KCND2: variants seen among roughly 807,000 people sequenced by gnomAD.
KCND2 encodes A-type voltage-gated potassium channel KCND2.
A neutral mutation model predicts 54.4 loss-of-function variants in KCND2; 16 were observed. The observed-to-expected ratio is 0.29, with a 90% CI of 0.20 to 0.45. The LOEUF (loss-of-function observed/expected upper bound fraction) is 0.45, where lower values mean the gene tolerates loss of function less well. Among genes scored for constraint, KCND2 ranks in the 20% least tolerant of loss-of-function variants. The pLI, the probability that KCND2 is intolerant of heterozygous loss-of-function variation, is 1.00. For missense variants in KCND2, 486 were observed against 824.2 expected, an observed-to-expected ratio of 0.59 and a Z score of 5.02; for synonymous variants, 317 against 310.7, an observed-to-expected ratio of 1.02 and a Z score of -0.21.
At chr7:120,681,769 T>C (rs1209033209) in intron 1 of KCND2, among the ~76,000 whole-genome samples, 1 of 152,056 alleles carries the variant, frequency 6.6e-6, no homozygotes, top group Non-Finnish European at 1.5e-5. Context: ...AGTTGAAATA[T>C]GTGAATGCTG....
intron 1 of KCND2, among the ~76,000 whole-genome samples, chr7:120,626,055 T>A (rs192833336): frequency 0.028 from 4,265 of 152,194 alleles, 165 homozygotes; most frequent in African/African-American, 0.089. Flanking sequence ...ACATTTATAC[T>A]TATTACAGTT....
At chr7:120,560,102 GT>G (rs1425587104) in intron 1 of KCND2, among the ~76,000 whole-genome samples, 1 of 152,146 alleles carries the variant, frequency 6.6e-6, no homozygotes, top group East Asian at 1.9e-4. Flanking sequence ...CAAACAGCAT[GT>G]TGGCCAAAAT....
intron 1 of KCND2, among the ~76,000 whole-genome samples, chr7:120,387,417 A>T (rs982314679): frequency 5.3e-5 from 8 of 152,042 alleles, no homozygotes; most frequent in Non-Finnish European, 1.0e-4. Flanking sequence ...TAAATAAGTT[A>T]AAGAGTATTT....
intron 1 of KCND2, among the ~76,000 whole-genome samples, chr7:120,311,293 C>T (rs922265490): frequency 2.6e-5 from 4 of 151,866 alleles, no homozygotes; most frequent in Non-Finnish European, 5.9e-5. Context: ...GTATTTTGCA[C>T]AGTTTTGTAA....
rs1227651785 is a variant in KCND2, at chr7:120,725,796, C to T, written c.1116-7107C>T. Among the ~76,000 whole-genome samples the T allele has an allele frequency of 2.0e-5, 3 of 152,062 alleles. No individual in the cohort carries two copies. In the East Asian group the frequency reaches 5.8e-4, roughly 29 times the overall value. On this transcript the variant is annotated intron_variant, in intron 1 of 5. Coordinates refer to ENST00000331113, the MANE Select transcript of KCND2 (RefSeq NM_012281.3). ...TGAGAAGTTTTAAACATTATTTGGG[C>T]TATAACACTTTGGATAATTTAATAA...
intron 1 of KCND2, among the ~76,000 whole-genome samples, chr7:120,621,669 G>T (rs1005013041): frequency 4.6e-5 from 7 of 152,092 alleles, no homozygotes; most frequent in Admixed American, 1.3e-4. Context: ...AAATGAAGTA[G>T]GTAAACTTTG....
At chr7:120,514,420 A>G (rs1269998343) in intron 1 of KCND2, among the ~76,000 whole-genome samples, 1 of 152,168 alleles carries the variant, frequency 6.6e-6, no homozygotes, top group Non-Finnish European at 1.5e-5. Context: ...GTCTGCATAC[A>G]AACACCCCAC....
In KCND2 at chr7:120,548,395, A is replaced by T. The variant is rs936037279; in HGVS notation, c.1116-184508A>T. 3.9e-5 allele frequency among the ~76,000 whole-genome samples: 6 copies of T among 152,220 alleles called. No homozygotes were observed. In the East Asian group the frequency reaches 9.7e-4, roughly 25 times the overall value. ...CATCGGCTACTAGGGAAGCAAGTAG[A>T]GTTCTTCTTTAGTTTAAATGGCATT... On this transcript the variant is annotated intron_variant, in intron 1 of 5. Coordinates refer to ENST00000331113, the MANE Select transcript of KCND2 (RefSeq NM_012281.3).
At chr7:120,422,083 G>T (rs1801634216) in intron 1 of KCND2, among the ~76,000 whole-genome samples, 1 of 152,128 alleles carries the variant, frequency 6.6e-6, no homozygotes, top group African/African-American at 2.4e-5. Flanking sequence ...GGAGTGAAGG[G>T]GTGGATCCTC....
intron 1 of KCND2, among the ~76,000 whole-genome samples, chr7:120,289,614 G>A (rs1474563541): frequency 1.3e-5 from 2 of 151,910 alleles, no homozygotes; most frequent in East Asian, 3.9e-4. Context: ...CCAAAGATTC[G>A]AGTCTTGAGC....
At chr7:120,514,684 G>A (rs560707349) in intron 1 of KCND2, among the ~76,000 whole-genome samples, 21 of 152,180 alleles carry the variant, frequency 1.4e-4, no homozygotes, top group African/African-American at 4.8e-4. Flanking sequence ...TTTTATGGAA[G>A]ACAATTTTTC....
intron 1 of KCND2, among the ~76,000 whole-genome samples, chr7:120,677,574 T>C (rs1165813292): frequency 6.7e-6 from 1 of 148,764 alleles, no homozygotes. Context: ...GATATATAGA[T>C]ATATAGATAT....
chr7:120,736,323 C>A (rs115511472), intron 2 of KCND2, among the ~76,000 whole-genome samples: 4,540 of 152,098 alleles, frequency 0.03, 113 homozygotes, highest in African/African-American at 0.063. Context: ...CCATTTCTAT[C>A]AATCATTGAT....
intron 1 of KCND2, among the ~76,000 whole-genome samples, chr7:120,591,764 T>A (rs1792674521): frequency 6.6e-6 from 1 of 152,166 alleles, no homozygotes; most frequent in African/African-American, 2.4e-5. Context: ...CACAAGCTTG[T>A]GAAGAAGGAT....
intron 1 of KCND2, among the ~76,000 whole-genome samples, chr7:120,336,638 T>C (rs1447291329): frequency 2.0e-5 from 3 of 152,160 alleles, no homozygotes; most frequent in Non-Finnish European, 4.4e-5. Flanking sequence ...CATGTAGAGA[T>C]AGCATTATTC....
chr7:120,450,583 A>G (rs998752547), intron 1 of KCND2, among the ~76,000 whole-genome samples: 1 of 152,182 alleles, frequency 6.6e-6, no homozygotes, highest in Non-Finnish European at 1.5e-5. Flanking sequence ...CTAAACAACT[A>G]TGTATGTACA....
At chr7:120,724,037 G>A (rs1253047393) in intron 1 of KCND2, among the ~76,000 whole-genome samples, 2 of 152,134 alleles carry the variant, frequency 1.3e-5, no homozygotes, top group African/African-American at 4.8e-5. Flanking sequence ...GAAAAAAAGA[G>A]GAAGAGACCT....
chr7:120,604,841 C>T (rs1253323752), intron 1 of KCND2, among the ~76,000 whole-genome samples: 1 of 152,044 alleles, frequency 6.6e-6, no homozygotes, highest in South Asian at 2.1e-4. Flanking sequence ...AATGTAACCT[C>T]TTAATCATTC....
At chr7:120,424,122 T>C (rs1215810631) in intron 1 of KCND2, among the ~76,000 whole-genome samples, 1 of 152,200 alleles carries the variant, frequency 6.6e-6, no homozygotes. Context: ...TTTTCACTTT[T>C]GTTAGATTGA....
Sources: gnomAD v4.1 joint callset for allele counts (sites outside exome capture counted in the v4.1 genomes callset) on GRCh38, gnomAD v4.1.1 for gene constraint, MANE v1.5 for transcripts, NCBI Gene and HGNC (gene_info 2026-07-23, HGNC 2026-07-21) for gene names.